The following MBD3L1 variants were observed in gnomAD, a reference collection of about 807,000 sequenced individuals.
MBD3L1 encodes the protein methyl-CpG binding domain protein 3 like 1, also known as methyl-CpG-binding domain protein 3-like 1.
For synonymous variants in MBD3L1, 84 were observed against 85.1 expected (o/e 0.99, Z 0.07); for missense variants, 203 against 230.1 (o/e 0.88, Z 0.76).
rs1390535996 is a variant in MBD3L1, at chr19:8,842,851, G to T, written c.173G>T (p.Ser58Ile). 1.9e-6 allele frequency: 3 copies of T among 1,614,228 alleles called. No homozygotes were observed. The highest frequency in any genetic ancestry group is 4.5e-5 in the East Asian group (2 of 44,890). ...NEVRYHQWEESLEKPQQVCWQ... is the reference protein window; with the variant it reads ...NEVRYHQWEEILEKPQQVCWQ... ...GTCAGATACCATCAATGGGAGGAGA[G>T]CTTGGAGAAGCCTCAGCAGGTCTGC... The change falls in exon 3 of 3, where the codon AGC (serine) becomes ATC (isoleucine). Residue 58 changes from serine (S) to isoleucine (I), a missense_variant. Transcript: ENST00000595891.
At chr19:8,837,680 C>T (rs1452044799) in intron 1 of MBD3L1, among the ~76,000 whole-genome samples, 2 of 152,186 alleles carry the variant, frequency 1.3e-5, no homozygotes, top group African/African-American at 4.8e-5. Context: ...CAAGTTCTTG[C>T]TTTCCCACAG....
chr19:8,835,923 T>C (rs750767771), intron 1 of MBD3L1, among the ~76,000 whole-genome samples: 6 of 152,220 alleles, frequency 3.9e-5, no homozygotes, highest in Non-Finnish European at 8.8e-5. Flanking sequence ...AAAACCCACA[T>C]TTTGTATAAT....
At chr19:8,837,121 A>C (rs1409714558) in intron 1 of MBD3L1, among the ~76,000 whole-genome samples, 1 of 152,208 alleles carries the variant, frequency 6.6e-6, no homozygotes, top group Non-Finnish European at 1.5e-5. Context: ...GAAATGAATG[A>C]CCTCGCCCTC....
At chr19:8,836,243 A>G (rs1437105785) in intron 1 of MBD3L1, among the ~76,000 whole-genome samples, 1 of 152,220 alleles carries the variant, frequency 6.6e-6, no homozygotes, top group East Asian at 1.9e-4. Flanking sequence ...ATAAAAGTGG[A>G]AAAATAAAAT....
chr19:8,833,551 G>GT (rs556880741), intron 1 of MBD3L1: 2 of 152,366 alleles, frequency 1.3e-5, no homozygotes, highest in South Asian at 4.1e-4. Context: ...ACAAGTCTCT[G>GT]TTTTATACAC....
intron 1 of MBD3L1, among the ~76,000 whole-genome samples, chr19:8,839,145 C>CA (rs2044484400): frequency 6.7e-6 from 1 of 149,646 alleles, no homozygotes; most frequent in Non-Finnish European, 1.5e-5. Flanking sequence ...ATCAGATGTA[C>CA]TTGCCCCGTA....
At chr19:8,837,991 G>A (rs191638268) in intron 1 of MBD3L1, among the ~76,000 whole-genome samples, 1 of 152,112 alleles carries the variant, frequency 6.6e-6, no homozygotes, top group East Asian at 1.9e-4. Context: ...GCTCACGCCT[G>A]TAATCCCAGC....
chr19:8,841,368 C>T (rs2044511020), intron 2 of MBD3L1, among the ~76,000 whole-genome samples: 1 of 151,834 alleles, frequency 6.6e-6, no homozygotes, highest in African/African-American at 2.4e-5. Flanking sequence ...ACCACAGAAT[C>T]CAAGAGTGCT....
chr19:8,842,741 C>T lies in MBD3L1; in HGVS notation c.63C>T (p.Gly21=), dbSNP rs149616515. 235 of 1,614,098 alleles carry T rather than the reference C, an allele frequency of 1.5e-4. 2 individuals carry two copies. Among genetic ancestry groups the T allele is most frequent in the Non-Finnish European group, 1.9e-5 (23 of 1,180,048 alleles). Residue 21 remains glycine (G), a synonymous_variant, in exon 3 of 3, where the codon GGC becomes GGT. Coordinates refer to ENST00000595891, the MANE Select transcript of MBD3L1 (RefSeq NM_001393532.1). ...DCVNQCKSKP[G]LSTSIPLRMS... ...TAAACCAATGCAAATCAAAGCCTGG[C>T]TTGAGCACCTCAATCCCTTTGAGAA...
chr19:8,843,170 C>CAG lies in MBD3L1; in HGVS notation c.500_501dup (p.Leu168AspfsTer4). 1 of 1,613,668 alleles carries CAG rather than the reference C, an allele frequency of 6.2e-7. No individual in the cohort carries two copies. ...AACAGGAAGGGAAAGTGAAGACAGT[C>CAG]AGAGAGAGACTCGCAATAGCACTGA... On this transcript the variant is annotated frameshift_variant, in exon 3 of 3. Coordinates refer to ENST00000595891, the MANE Select transcript of MBD3L1 (RefSeq NM_001393532.1). LOFTEE classifies it low-confidence loss of function (END_TRUNC).
At position 8,840,993 on chromosome 19, in the gene MBD3L1, A is replaced by G. The variant is rs2044506833; in HGVS notation, c.-28A>G. The G allele has an allele frequency of 6.6e-6, 1 of 151,432 alleles. No homozygotes were observed. The highest frequency in any genetic ancestry group is 2.4e-5 in the African/African-American group (1 of 41,208). The allele number at this position is 151,432 out of a possible 1,614,324, so 9.4% of individuals were successfully genotyped here. On this transcript the variant is annotated 5_prime_UTR_variant, in exon 2 of 3. Transcript: ENST00000595891. ...TTTGAAGTTTTACAAGGCAGGTGTG[A>G]TAAGTGGTAAGGAATTTTGGATTAA...
chr19:8,837,197 C>T (rs183627998), intron 1 of MBD3L1, among the ~76,000 whole-genome samples: 37 of 152,206 alleles, frequency 2.4e-4, no homozygotes, highest in African/African-American at 4.1e-4. Context: ...CAAAGCTGTA[C>T]GAATGTGCAT....
chr19:8,834,604 CAA>C (rs34714268), intron 1 of MBD3L1, among the ~76,000 whole-genome samples: 6 of 88,584 alleles, frequency 6.8e-5, no homozygotes, highest in South Asian at 7.5e-4. Context: ...GAGACTCCAT[CAA>C]AAAAAAAAAA....
intron 1 of MBD3L1, among the ~76,000 whole-genome samples, chr19:8,839,560 A>G (rs2044490154): frequency 1.3e-5 from 2 of 152,108 alleles, no homozygotes; most frequent in Non-Finnish European, 2.9e-5. Flanking sequence ...AGGTTGTTCC[A>G]AGCATACTTC....
chr19:8,838,317 C>G (rs2044476953), intron 1 of MBD3L1, among the ~76,000 whole-genome samples: 1 of 143,746 alleles, frequency 7.0e-6, no homozygotes, highest in South Asian at 2.2e-4. Context: ...TCCTCCAGGG[C>G]AAGGCCACCT....
chr19:8,841,883 G>T (rs762793497), intron 2 of MBD3L1, among the ~76,000 whole-genome samples: 1 of 152,146 alleles, frequency 6.6e-6, no homozygotes, highest in African/African-American at 2.4e-5. Flanking sequence ...GAGCATGGCT[G>T]TTTGGGTTGC....
chr19:8,841,524 C>T (rs964632724), intron 2 of MBD3L1, among the ~76,000 whole-genome samples: 13 of 152,180 alleles, frequency 8.5e-5, no homozygotes, highest in African/African-American at 3.1e-4. Flanking sequence ...ACCTGGAAAT[C>T]AGAAATTTAT....
At chr19:8,834,799 T>C (rs1381944996) in intron 1 of MBD3L1, among the ~76,000 whole-genome samples, 1 of 152,116 alleles carries the variant, frequency 6.6e-6, no homozygotes, top group Non-Finnish European at 1.5e-5. Context: ...TGTCAAACTT[T>C]GTGATCTTGG....
chr19:8,838,319 A>G (rs374975354), intron 1 of MBD3L1, among the ~76,000 whole-genome samples: 6 of 147,086 alleles, frequency 4.1e-5, no homozygotes, highest in African/African-American at 1.5e-4. Flanking sequence ...CTCCAGGGCA[A>G]GGCCACCTGT....
Sources: allele counts gnomAD v4.1 joint callset (sites outside exome capture counted in the v4.1 genomes callset), GRCh38; gene constraint gnomAD v4.1.1; transcripts MANE v1.5; gene names NCBI Gene and HGNC (gene_info 2026-07-23, HGNC 2026-07-21).